The following NFATC1 variants were observed in gnomAD, a reference collection of about 807,000 sequenced individuals.
NFATC1 encodes the protein nuclear factor of activated T-cells, cytoplasmic 1.
NFATC1 carries 22 observed loss-of-function variants against 76.0 expected under a neutral mutation model. That is an observed-to-expected ratio of 0.29 (90% CI 0.21 to 0.41). NFATC1 has a LOEUF of 0.41. Ranked by LOEUF, NFATC1 falls within the 10% of genes least tolerant of loss-of-function variation. The probability of loss-of-function intolerance (pLI) is 1.00; values close to 1 mark genes in which losing one functional copy is unlikely to be tolerated. For missense variants in NFATC1, 1,357 were observed against 1,337.7 expected (o/e 1.01, Z -0.23); for synonymous variants, 704 against 613.1 (o/e 1.15, Z -2.19).
At chr18:79,523,136 A>G (rs75352804) in intron 9 of NFATC1, among the ~76,000 whole-genome samples, 11,098 of 152,252 alleles carry the variant, frequency 0.073, 486 homozygotes, top group African/African-American at 0.1. Flanking sequence ...CAGGTGCACA[A>G]AGGGCCAGGC....
At chr18:79,502,183 C>T (rs2090028114) in intron 9 of NFATC1, among the ~76,000 whole-genome samples, 1 of 152,206 alleles carries the variant, frequency 6.6e-6, no homozygotes, top group Non-Finnish European at 1.5e-5. Context: ...GAATTAAAAG[C>T]CCCAAAATAA....
rs2148187388 is a variant in NFATC1 at position 79,410,827 on chromosome 18, A to G, written c.552A>G (p.Ser184=). 1 of 1,611,928 alleles carries G rather than the reference A, an allele frequency of 6.2e-7. No homozygotes were observed. Among genetic ancestry groups the G allele is most frequent in the Non-Finnish European group, 8.5e-7 (1 of 1,179,512 alleles). ...GCCTGTCCTCCCGGAGCTGCAACTCAGAGGCCTCCTCCTACGAGTCCAACT... is the reference window on the plus strand; with the variant it reads ...GCCTGTCCTCCCGGAGCTGCAACTCGGAGGCCTCCTCCTACGAGTCCAACT... ...ASSLSSRSCN[S]EASSYESNYS... The change falls in exon 2 of 10, where the codon TCA becomes TCG. Residue 184 remains serine, a synonymous_variant. Coordinates refer to ENST00000427363, the MANE Select transcript of NFATC1 (RefSeq NM_001278669.2). The surrounding 1 kb of genome is among the most constrained non-coding windows in gnomAD (Gnocchi z 6.7).
chr18:79,445,017 A>T lies in NFATC1; in HGVS notation c.1387-3765A>T, dbSNP rs979303077. Among the ~76,000 whole-genome samples the T allele has an allele frequency of 2.0e-5, 3 of 152,318 alleles. No homozygotes were observed. In the South Asian group the frequency reaches 6.2e-4, roughly 32 times the overall value. On this transcript the variant is annotated intron_variant, in intron 3 of 9. Transcript: ENST00000427363. ...CGGGCAGGTGAGGCCTGGCTGAGAA[A>T]AGGGGGAAGGAGAGGGAGGATGCGG...
intron 7 of NFATC1, among the ~76,000 whole-genome samples, chr18:79,466,884 T>A (rs1327586969): frequency 1.3e-5 from 2 of 152,202 alleles, no homozygotes; most frequent in Non-Finnish European, 2.9e-5. Context: ...AGCACTTCCA[T>A]CACACAGTGG....
At chr18:79,476,753 C>T (rs902929901) in intron 8 of NFATC1, among the ~76,000 whole-genome samples, 23 of 152,328 alleles carry the variant, frequency 1.5e-4, no homozygotes, top group Non-Finnish European at 3.2e-4. Flanking sequence ...CATCTGGGCC[C>T]GTCCTGGACA....
At chr18:79,453,031 T>C (rs981377250) in intron 6 of NFATC1, among the ~76,000 whole-genome samples, 26 of 152,220 alleles carry the variant, frequency 1.7e-4, no homozygotes, top group Non-Finnish European at 2.9e-4. Context: ...CAGGGCTTAA[T>C]TGGAAAACAT....
At position 79,411,477 on chromosome 18, in the gene NFATC1, C is replaced by T. The variant is rs2085678375; in HGVS notation, c.1202C>T (p.Pro401Leu). Residue 401 changes from proline (P) to leucine (L), a missense_variant, in exon 2 of 10, where the codon CCC becomes CTC. This residue lies in a region of NFATC1 where 691 missense variants were observed against 613.1 expected (regional missense o/e 1.13). Transcript: ENST00000427363. ...CCCTACCAGTGGGCGAAGCCCAAGC[C>T]CCTGTCCCCTACGTCCTACATGAGG... ...QHPYQWAKPKPLSPTSYMSPT... is the reference protein window; with the variant it reads ...QHPYQWAKPKLLSPTSYMSPT... 1 of 1,513,572 alleles carries T rather than the reference C, an allele frequency of 6.6e-7. No homozygotes were observed. The highest frequency in any genetic ancestry group is 8.8e-7 in the Non-Finnish European group (1 of 1,133,734). 93.8% of individuals were successfully genotyped at this position (1,513,572 alleles called of 1,614,324 possible).
intron 9 of NFATC1, among the ~76,000 whole-genome samples, chr18:79,500,762 A>G (rs1317884223): frequency 4.6e-5 from 7 of 152,210 alleles, no homozygotes; most frequent in African/African-American, 1.7e-4. Context: ...AAATGGAAAC[A>G]TTCTTAGACA....
intron 9 of NFATC1, among the ~76,000 whole-genome samples, chr18:79,516,279 CAAA>C (rs1314975652): frequency 6.6e-6 from 1 of 152,102 alleles, no homozygotes; most frequent in African/African-American, 2.4e-5. Context: ...CCTCTCCTTC[CAAA>C]AATAGCAGGC....
chr18:79,452,172 G>A (rs2087503620), intron 6 of NFATC1: 2 of 175,936 alleles, frequency 1.1e-5, no homozygotes, highest in South Asian at 3.1e-4. Context: ...TGGACGCTTC[G>A]GGGGTCAGTT....
chr18:79,445,475 T>C (rs748906954), intron 3 of NFATC1, among the ~76,000 whole-genome samples: 1 of 152,216 alleles, frequency 6.6e-6, no homozygotes. Context: ...CACCACGGCC[T>C]TCACCTGGAA....
At chr18:79,428,883 C>T (rs976088708) in intron 2 of NFATC1, among the ~76,000 whole-genome samples, 2 of 152,016 alleles carry the variant, frequency 1.3e-5, no homozygotes, top group Non-Finnish European at 2.9e-5. Flanking sequence ...AATTATGTGT[C>T]TCATTTTCTT....
At chr18:79,424,206 G>A (rs764387771) in intron 2 of NFATC1, among the ~76,000 whole-genome samples, 9 of 152,218 alleles carry the variant, frequency 5.9e-5, no homozygotes, top group Non-Finnish European at 1.0e-4. Context: ...AGATGCCGCC[G>A]CACTATCACC....
chr18:79,524,521 G>A lies in NFATC1; in HGVS notation c.2783-3007G>A, dbSNP rs368417580. ...GGTCCCGGCCACGCGTCCCTGCAGC[G>A]TCTGAGACCTTGTGGAACACACTTG... On this transcript the variant is annotated intron_variant, in intron 9 of 9. Coordinates refer to ENST00000427363, the MANE Select transcript of NFATC1 (RefSeq NM_001278669.2). This position sits in a 1 kb window ranked among gnomAD's most constrained non-coding sequence, Gnocchi z 7.2. Among the ~76,000 whole-genome samples, 347 of 152,324 alleles carry A rather than the reference G, an allele frequency of 2.3e-3. 1 individual carries two copies. The highest frequency in any genetic ancestry group is 3.0e-3 in the Non-Finnish European group (207 of 68,016).
chr18:79,481,023 C>T (rs971972822), intron 8 of NFATC1, among the ~76,000 whole-genome samples: 3 of 152,212 alleles, frequency 2.0e-5, no homozygotes, highest in Non-Finnish European at 2.9e-5. Flanking sequence ...ATCTTCTGAG[C>T]GGGAGAGATG....
chr18:79,504,019 T>C (rs1363368939), intron 9 of NFATC1, among the ~76,000 whole-genome samples: 1 of 152,230 alleles, frequency 6.6e-6, no homozygotes, highest in Non-Finnish European at 1.5e-5. Context: ...TGGTCTGGAT[T>C]AGGCTTTGGC....
At chr18:79,470,736 C>T (rs917615169) in intron 8 of NFATC1, 10 of 152,360 alleles carry the variant, frequency 6.6e-5, no homozygotes, top group Admixed American at 6.5e-4. Flanking sequence ...CTGTCCCGGC[C>T]CCGCCTCCCG....
At chr18:79,409,511 A>C (rs1568922034) in intron 1 of NFATC1, among the ~76,000 whole-genome samples, 2 of 150,598 alleles carry the variant, frequency 1.3e-5, no homozygotes, top group Non-Finnish European at 3.0e-5. Flanking sequence ...CCATCCGTTT[A>C]GCTGTCCATC....
chr18:79,423,301 T>C (rs766916820), intron 2 of NFATC1, among the ~76,000 whole-genome samples: 21 of 152,236 alleles, frequency 1.4e-4, no homozygotes, highest in Non-Finnish European at 2.9e-4. Context: ...TCTGTGGCTT[T>C]GACTTTGGTT....
Sources: gnomAD v4.1 joint callset for allele counts (sites outside exome capture counted in the v4.1 genomes callset) on GRCh38, gnomAD v4.1.1 for gene constraint, gnomAD v4.1.1 regional missense constraint, Gnocchi (gnomAD v3.1) non-coding constraint, MANE v1.5 for transcripts, NCBI Gene and HGNC (gene_info 2026-07-23, HGNC 2026-07-21) for gene names.